The following TAFA2 variants were observed in gnomAD, a reference collection of about 807,000 sequenced individuals.
TAFA2 encodes TAFA chemokine like family member 2, also known as chemokine-like protein TAFA-2.
Under a neutral mutation model 18.8 loss-of-function variants are expected in TAFA2, and 7 were observed. That is an observed-to-expected ratio of 0.37 (90% CI 0.21 to 0.70). TAFA2 has a LOEUF of 0.70. Ranked by LOEUF, TAFA2 falls within the 30% of genes least tolerant of loss-of-function variation. TAFA2 has a pLI of 0.53. For synonymous variants in TAFA2, 60 were observed against 54.2 expected (o/e 1.11, Z -0.47); for missense variants, 122 against 158.1 (o/e 0.77, Z 1.23).
At chr12:61,920,219 T>C (rs1876993105) in intron 1 of TAFA2, among the ~76,000 whole-genome samples, 1 of 152,154 alleles carries the variant, frequency 6.6e-6, no homozygotes, top group Non-Finnish European at 1.5e-5. Flanking sequence ...AAGTATACTA[T>C]TGTAAGAGAT....
intron 1 of TAFA2, among the ~76,000 whole-genome samples, chr12:62,174,943 G>C (rs1301663796): frequency 6.6e-6 from 1 of 152,122 alleles, no homozygotes; most frequent in African/African-American, 2.4e-5. Context: ...TAAACTCCGA[G>C]AGTAATGATG....
chr12:61,979,377 C>A (rs570387871), intron 1 of TAFA2, among the ~76,000 whole-genome samples: 13 of 152,156 alleles, frequency 8.5e-5, no homozygotes, highest in Non-Finnish European at 1.9e-4. Flanking sequence ...TAAAATCAGG[C>A]CACAGAAGCA....
chr12:61,908,465 C>T (rs1876459741), intron 1 of TAFA2, among the ~76,000 whole-genome samples: 1 of 152,086 alleles, frequency 6.6e-6, no homozygotes, highest in Non-Finnish European at 1.5e-5. Flanking sequence ...GCCTCCCCAG[C>T]CATGTGTAAC....
chr12:62,029,708 C>T (rs888886567), intron 1 of TAFA2, among the ~76,000 whole-genome samples: 1 of 152,048 alleles, frequency 6.6e-6, no homozygotes, highest in East Asian at 1.9e-4. Flanking sequence ...TAGTTAAGTA[C>T]AGGTCAAGGT....
intron 1 of TAFA2, among the ~76,000 whole-genome samples, chr12:61,886,747 C>A (rs1370160855): frequency 6.6e-6 from 1 of 152,146 alleles, no homozygotes; most frequent in Non-Finnish European, 1.5e-5. Context: ...ATACTGTTAC[C>A]TCTTACAGGC....
intron 1 of TAFA2, among the ~76,000 whole-genome samples, chr12:62,132,850 G>A (rs1002627534): frequency 6.6e-6 from 1 of 151,814 alleles, no homozygotes; most frequent in African/African-American, 2.4e-5. Flanking sequence ...CTACATTTCT[G>A]GAAAATTCAG....
At chr12:61,839,459 A>G (rs1406688444) in intron 2 of TAFA2, among the ~76,000 whole-genome samples, 1 of 152,092 alleles carries the variant, frequency 6.6e-6, no homozygotes, top group Non-Finnish European at 1.5e-5. Context: ...TTGCATGTTT[A>G]TCATAACACT....
intron 1 of TAFA2, among the ~76,000 whole-genome samples, chr12:61,923,185 G>A (rs1173838362): frequency 6.6e-6 from 1 of 152,208 alleles, no homozygotes; most frequent in African/African-American, 2.4e-5. Flanking sequence ...AGATGTTCCT[G>A]CCTGTCGGCT....
chr12:62,234,908 G>T, intron 1 of TAFA2: 1 of 932,840 alleles, frequency 1.1e-6, no homozygotes. Flanking sequence ...TCTTGTGGGG[G>T]CAACATCTGA....
chr12:62,089,994 T>C (rs924419442), intron 1 of TAFA2, among the ~76,000 whole-genome samples: 4 of 152,090 alleles, frequency 2.6e-5, no homozygotes, highest in African/African-American at 9.7e-5. Flanking sequence ...AGATGTTATC[T>C]TTCACGTGTT....
chr12:61,917,363 T>C (rs1465800994), intron 1 of TAFA2, among the ~76,000 whole-genome samples: 1 of 152,228 alleles, frequency 6.6e-6, no homozygotes, highest in Non-Finnish European at 1.5e-5. Context: ...TTCCCTTTAA[T>C]AATAAGTTCA....
At chr12:62,239,665 G>T (rs1364738274) in intron 1 of TAFA2, among the ~76,000 whole-genome samples, 1 of 152,174 alleles carries the variant, frequency 6.6e-6, no homozygotes, top group Admixed American at 6.5e-5. Context: ...ACAGCTGCTT[G>T]TAGAGGCCAT....
At chr12:61,911,326 T>A (rs1256269771) in intron 1 of TAFA2, among the ~76,000 whole-genome samples, 2 of 152,174 alleles carry the variant, frequency 1.3e-5, no homozygotes, top group Non-Finnish European at 2.9e-5. Flanking sequence ...CAAATAAGAA[T>A]TGGGATTGGC....
chr12:62,204,074 T>C (rs11174369), intron 1 of TAFA2, among the ~76,000 whole-genome samples: 22,426 of 152,204 alleles, frequency 0.15, 2,202 homozygotes, highest in East Asian at 0.34. Flanking sequence ...GAAAGGATCT[T>C]ATTTCTCCTT....
rs1869284506 is a variant in TAFA2 at position 61,709,329 on chromosome 12, C to T, written c.*1077G>A. Reference sequence around the variant, plus strand: ...TAAGCAAATATTTATAAATTTGAGACTGAGGAAAATGAACAATTTTTTCTA... The same window carrying T: ...TAAGCAAATATTTATAAATTTGAGATTGAGGAAAATGAACAATTTTTTCTA... On this transcript the variant is annotated 3_prime_UTR_variant, in exon 5 of 5. Transcript: ENST00000416284. The T allele has an allele frequency of 6.6e-6, 1 of 152,082 alleles. No individual in the cohort carries two copies. The highest frequency in any genetic ancestry group is 1.5e-5 in the Non-Finnish European group (1 of 67,974). The allele number at this position is 152,082 out of a possible 1,614,324, so 9.4% of individuals were successfully genotyped here. A position where few individuals can be genotyped will look rare whatever the true frequency, so the allele number is the denominator to read the frequency against.
chr12:62,201,992 A>G (rs1201658412), intron 1 of TAFA2, among the ~76,000 whole-genome samples: 2 of 152,058 alleles, frequency 1.3e-5, no homozygotes, highest in African/African-American at 4.8e-5. Context: ...CCAGGAATTT[A>G]TTTATTTCTT....
intron 2 of TAFA2, among the ~76,000 whole-genome samples, chr12:61,843,294 T>A (rs2121132406): frequency 6.6e-6 from 1 of 152,148 alleles, no homozygotes; most frequent in Middle Eastern, 3.4e-3. Context: ...CACTCTGTTC[T>A]TAAAACAAAG....
chr12:62,179,990 C>G (rs2062541131), intron 1 of TAFA2, among the ~76,000 whole-genome samples: 1 of 152,144 alleles, frequency 6.6e-6, no homozygotes, highest in Non-Finnish European at 1.5e-5. Flanking sequence ...ATATTAGCTA[C>G]AAACCCTGAA....
chr12:61,728,398 G>C (rs1473442058), intron 4 of TAFA2, among the ~76,000 whole-genome samples: 2 of 151,868 alleles, frequency 1.3e-5, no homozygotes, highest in African/African-American at 2.4e-5. Flanking sequence ...TAATAAATTT[G>C]GGATCTCCAG....
Sources: gnomAD v4.1 joint callset for allele counts (sites outside exome capture counted in the v4.1 genomes callset) on GRCh38, gnomAD v4.1.1 for gene constraint, MANE v1.5 for transcripts, NCBI Gene and HGNC (gene_info 2026-07-23, HGNC 2026-07-21) for gene names.